The following GOLM2 variants were observed in gnomAD, a reference collection of about 807,000 sequenced individuals.
GOLM2 encodes golgi membrane protein 2, also known as protein GOLM2.
Under a neutral mutation model 55.9 loss-of-function variants are expected in GOLM2, and 26 were observed. The ratio of observed to expected loss-of-function variants is 0.47; its 90% CI spans 0.34 to 0.65. GOLM2 has a LOEUF of 0.65. Among genes scored for constraint, GOLM2 ranks in the 30% least tolerant of loss-of-function variants. GOLM2 has a pLI of 0.01. For synonymous variants in GOLM2, 165 were observed against 194.6 expected (o/e 0.85, Z 1.27); for missense variants, 486 against 531.8 (o/e 0.91, Z 0.85).
chr15:44,377,506 G>T (rs745970985), intron 6 of GOLM2, among the ~76,000 whole-genome samples: 12 of 152,186 alleles, frequency 7.9e-5, no homozygotes, highest in Non-Finnish European at 1.3e-4. Context: ...AAGTAGCTGG[G>T]GTTACAGGCG....
chr15:44,349,228 C>CGTAG (rs1351659683), intron 6 of GOLM2, among the ~76,000 whole-genome samples: 1 of 143,398 alleles, frequency 7.0e-6, no homozygotes, highest in Non-Finnish European at 1.5e-5. Context: ...CATTGCACTA[C>CGTAG]AGCCTGGGCA....
At chr15:44,388,243 C>T (rs767595967) in intron 8 of GOLM2, among the ~76,000 whole-genome samples, 38 of 137,166 alleles carry the variant, frequency 2.8e-4, no homozygotes, top group Non-Finnish European at 4.7e-4. Context: ...CACTGTACTC[C>T]AGCCTGGGCA....
chr15:44,315,815 G>A (rs977797077), intron 1 of GOLM2, among the ~76,000 whole-genome samples: 1 of 152,154 alleles, frequency 6.6e-6, no homozygotes, highest in Non-Finnish European at 1.5e-5. Flanking sequence ...GAGGGATAAG[G>A]TAAAGCCTAA....
At chr15:44,397,887 G>A (rs1401399692) in intron 8 of GOLM2, among the ~76,000 whole-genome samples, 1 of 152,112 alleles carries the variant, frequency 6.6e-6, no homozygotes, top group African/African-American at 2.4e-5. Context: ...ATAGTTTCCA[G>A]GCTAGGATTT....
chr15:44,413,181 T>C (rs2079649994), intron 9 of GOLM2, among the ~76,000 whole-genome samples, 155 bp from the exon 10 acceptor site: 2 of 152,168 alleles, frequency 1.3e-5, no homozygotes, highest in African/African-American at 4.8e-5. Context: ...CTTTTCACTC[T>C]TTAGCCAAGC....
chr15:44,360,299 A>G (rs902014401), intron 6 of GOLM2, among the ~76,000 whole-genome samples: 2 of 152,246 alleles, frequency 1.3e-5, no homozygotes, highest in African/African-American at 4.8e-5. Context: ...TGTTGTATTC[A>G]GGAAACCCAT....
chr15:44,305,159 C>T (rs1474168205), intron 1 of GOLM2, among the ~76,000 whole-genome samples: 1 of 152,092 alleles, frequency 6.6e-6, no homozygotes, highest in African/African-American at 2.4e-5. Flanking sequence ...TGCCACCATA[C>T]CTGGCTAATT....
intron 6 of GOLM2, among the ~76,000 whole-genome samples, chr15:44,362,133 C>A (rs560382296): frequency 5.4e-5 from 8 of 148,506 alleles, no homozygotes; most frequent in African/African-American, 1.7e-4. Flanking sequence ...AAAACTGGCA[C>A]AAGACAGGGA....
intron 1 of GOLM2, among the ~76,000 whole-genome samples, chr15:44,299,315 C>T (rs1435124894): frequency 2.7e-5 from 4 of 149,088 alleles, no homozygotes; most frequent in Admixed American, 2.7e-4. Flanking sequence ...TTTTTTGAGA[C>T]AGAGTCTCGC....
rs1026080749 is a variant in GOLM2, at chr15:44,332,094, A to G, written c.576+16A>G. ...GGAACAAAAGGTAAATTTTAAAAAT[A>G]TACTTAAATCCAAATATTTTTATTA... On this transcript the variant is annotated intron_variant, in intron 4 of 9. Transcript: ENST00000299957. 5.0e-6 allele frequency: 6 copies of G among 1,208,282 alleles called. No homozygotes were observed. The highest frequency in any genetic ancestry group is 7.2e-6 in the Non-Finnish European group (6 of 833,746). The allele number at this position is 1,208,282 out of a possible 1,614,324, so 74.8% of individuals were successfully genotyped here. A position where few individuals can be genotyped will look rare whatever the true frequency, so the allele number is the denominator to read the frequency against.
chr15:44,297,764 A>T (rs183083929), intron 1 of GOLM2, among the ~76,000 whole-genome samples: 10 of 148,870 alleles, frequency 6.7e-5, no homozygotes, highest in African/African-American at 2.2e-4. Flanking sequence ...GGGTTTCACC[A>T]TGTTAGTCAG....
At chr15:44,369,693 T>TATACACAC (rs145180211) in intron 6 of GOLM2, among the ~76,000 whole-genome samples, 2 of 143,520 alleles carry the variant, frequency 1.4e-5, no homozygotes, top group Non-Finnish European at 3.0e-5. Context: ...TATATATGCA[T>TATACACAC]ACACACACAC....
intron 8 of GOLM2, among the ~76,000 whole-genome samples, chr15:44,391,127 T>C (rs1350258354): frequency 1.3e-5 from 2 of 152,088 alleles, no homozygotes; most frequent in East Asian, 1.9e-4. Context: ...AAGAGACTGG[T>C]AAAAGTTAAT....
intron 6 of GOLM2, among the ~76,000 whole-genome samples, chr15:44,378,776 GTC>G (rs2079381976): frequency 1.3e-5 from 2 of 151,412 alleles, no homozygotes; most frequent in African/African-American, 2.4e-5. Flanking sequence ...TTGAGATGAA[GTC>G]TCTGTCACCC....
At chr15:44,337,937 A>G (rs776677869) in intron 5 of GOLM2, 30 bp downstream of exon 5, 3 of 1,550,714 alleles carry the variant, frequency 1.9e-6, no homozygotes, top group Non-Finnish European at 2.6e-6. Flanking sequence ...TTTGTTTTGT[A>G]TTAATAGGAT....
chr15:44,391,998 G>C (rs1175802986), intron 8 of GOLM2, among the ~76,000 whole-genome samples: 4 of 151,926 alleles, frequency 2.6e-5, no homozygotes, highest in Admixed American at 6.6e-5. Context: ...TTACAGGCAC[G>C]TGCCACCATG....
At chr15:44,338,215 T>C (rs1184388299) in intron 5 of GOLM2, 22 bp from the exon 6 acceptor site, 7 of 1,599,364 alleles carry the variant, frequency 4.4e-6, no homozygotes, top group Non-Finnish European at 6.0e-6. Flanking sequence ...GATAGAATTC[T>C]ATCTTTTTGT....
intron 9 of GOLM2, among the ~76,000 whole-genome samples, chr15:44,412,455 C>T (rs12594167): frequency 0.095 from 14,504 of 151,928 alleles, 1,460 homozygotes; most frequent in African/African-American, 0.24. Flanking sequence ...AAAGGTTAAA[C>T]TTTGGTTGTT....
intron 8 of GOLM2, among the ~76,000 whole-genome samples, chr15:44,402,012 T>C (rs1348279356): frequency 1.3e-5 from 2 of 152,096 alleles, no homozygotes; most frequent in Admixed American, 1.3e-4. Context: ...GTATTTTTAA[T>C]AGAGATGGGG....
Sources: gnomAD v4.1 joint callset for allele counts (sites outside exome capture counted in the v4.1 genomes callset) on GRCh38, gnomAD v4.1.1 for gene constraint, MANE v1.5 for transcripts, NCBI Gene and HGNC (gene_info 2026-07-23, HGNC 2026-07-21) for gene names.